Variants in PDHA1 observed in about 807,000 individuals in gnomAD.
The protein encoded by PDHA1 is pyruvate dehydrogenase E1 subunit alpha 1.
A neutral mutation model predicts 33.0 loss-of-function variants in PDHA1; 1 was observed. The observed-to-expected ratio is 0.03, with a 90% CI of 0.01 to 0.14. PDHA1 has a LOEUF of 0.14. PDHA1 is among the 10% of genes least tolerant of loss of function. The pLI is 1.00. For missense variants in PDHA1, 168 were observed against 325.1 expected, an observed-to-expected ratio of 0.52 and a Z score of 3.72; for synonymous variants, 123 against 119.2, an observed-to-expected ratio of 1.03 and a Z score of -0.21.
intron 9 of PDHA1, among the ~76,000 whole-genome samples, chrX:19,358,087 A>C (rs1167299374): frequency 8.9e-6 from 1 of 112,196 alleles, no homozygotes; most frequent in Non-Finnish European, 1.9e-5. Context: ...GAAGAGGATC[A>C]GAATTTGGAG....
chrX:19,360,102 T>TTTAA lies in PDHA1; in HGVS notation c.*450_*453dup. On this transcript the variant is annotated 3_prime_UTR_variant, in exon 11 of 11. Transcript: ENST00000422285. ...TTATCAGGCAAGAGGACAGTTCCAT[T>TTTAA]TTAAAATAAGACTTTTGTAATCATT... 1 of 150,812 alleles carries TTTAA rather than the reference T, an allele frequency of 6.6e-6. No homozygotes were observed. Among genetic ancestry groups the TTTAA allele is most frequent in the South Asian group, 1.3e-4 (1 of 7,876 alleles). The allele number at this position is 150,812 out of a possible 1,213,427, so 12.4% of individuals were successfully genotyped here. A position where few individuals can be genotyped will look rare whatever the true frequency, so the allele number is the denominator to read the frequency against.
chrX:19,344,266 G>A (rs1483040124), intron 1 of PDHA1, among the ~76,000 whole-genome samples, 172 bp downstream of exon 1: 2 of 112,796 alleles, frequency 1.8e-5, no homozygotes, highest in African/African-American at 6.4e-5. Context: ...CGGGAGAAGC[G>A]GCACGGACCG....
Position 19,361,462 on chromosome X carries a change from C to G in PDHA1, c.*1809C>G, listed in dbSNP as rs769886359. Reference sequence around the variant, plus strand: ...TAAGAGCTGAGCAGCTGTGTAACAACAGCATAAGAATTTCTTTGTTGTAAA... The same window carrying G: ...TAAGAGCTGAGCAGCTGTGTAACAAGAGCATAAGAATTTCTTTGTTGTAAA... On this transcript the variant is annotated 3_prime_UTR_variant, in exon 11 of 11. Transcript: ENST00000422285. The G allele has an allele frequency of 1.1e-5, 13 of 1,194,781 alleles. No homozygotes were observed. The East Asian group carries it at 1.5e-4, about 14-fold the overall frequency.
At chrX:19,346,091 C>T (rs1027003978) in intron 1 of PDHA1, among the ~76,000 whole-genome samples, 3 of 111,802 alleles carry the variant, frequency 2.7e-5, no homozygotes, top group Non-Finnish European at 3.8e-5. Flanking sequence ...TGTAAAAAGA[C>T]ATTTTGCATA....
At position 19,343,934 on chromosome X, in the gene PDHA1, C is replaced by A; in HGVS notation, c.-104C>A. On this transcript the variant is annotated 5_prime_UTR_variant, in exon 1 of 11. In the 5' UTR this introduces an upstream ATG that the reference lacks. Transcript: ENST00000422285. ...ACGACTCTGTCACGCCGCGGTGCGACTGAGGCGTGGCGTCTGCTGGGGCAC... is the reference window on the plus strand; with the variant it reads ...ACGACTCTGTCACGCCGCGGTGCGAATGAGGCGTGGCGTCTGCTGGGGCAC... 1 of 754,450 alleles carries A rather than the reference C, an allele frequency of 1.3e-6. No homozygotes were observed. Among genetic ancestry groups the A allele is most frequent in the South Asian group, 2.2e-5 (1 of 45,821 alleles). The allele number at this position is 754,450 out of a possible 1,213,427, so 62.2% of individuals were successfully genotyped here. A position where few individuals can be genotyped will look rare whatever the true frequency, so the allele number is the denominator to read the frequency against.
At chrX:19,344,244 C>G in intron 1 of PDHA1, 150 bp downstream of exon 1, 2 of 489,051 alleles carry the variant, frequency 4.1e-6, no homozygotes, top group Non-Finnish European at 6.8e-6. Context: ...CCCTGCATTC[C>G]GTTCCTGGCC....
rs776535833 is a variant in PDHA1 at position 19,351,270 on chromosome X, C to T, written c.292-11C>T. On this transcript the variant is annotated splice_polypyrimidine_tract_variant and intron_variant, in intron 3 of 10. Coordinates refer to ENST00000422285, the MANE Select transcript of PDHA1 (RefSeq NM_000284.4). ...CATATTGCCTCATAGTTTCTCCTTCCTCTAACACAGGAAGCTTGCTGTGTG... is the reference window on the plus strand; with the variant it reads ...CATATTGCCTCATAGTTTCTCCTTCTTCTAACACAGGAAGCTTGCTGTGTG... 10 of 1,205,560 alleles carry T rather than the reference C, an allele frequency of 8.3e-6. No homozygotes were observed. The Admixed American group carries it at 2.0e-4, about 24-fold the overall frequency.
rs1307306314 is a variant in PDHA1 at position 19,361,267 on chromosome X, T to A, written c.*1614T>A. 4 of 911,829 alleles carry A rather than the reference T, an allele frequency of 4.4e-6. No individual in the cohort carries two copies. In the African/African-American group the frequency reaches 5.9e-5, roughly 13 times the overall value. The allele number at this position is 911,829 out of a possible 1,213,427, so 75.1% of individuals were successfully genotyped here. On this transcript the variant is annotated 3_prime_UTR_variant, in exon 11 of 11. Transcript: ENST00000422285. ...GTTTGGGGGGAGGCCCAGCCCTTTG[T>A]TTTCTGCTCTTGAAGCATATTCACA...
rs566921322 is a variant in PDHA1 at position 19,357,334 on chromosome X, G to C, written c.832-318G>C. On this transcript the variant is annotated intron_variant, in intron 8 of 10. Coordinates refer to ENST00000422285, the MANE Select transcript of PDHA1 (RefSeq NM_000284.4). ...TAGTCTCGAACTCCTGGGCGCAAGT[G>C]CTCTGCCCACCTCAGCTTCCCAAAG... 4.0e-4 allele frequency: 118 copies of C among 298,007 alleles called. 1 individual carries two copies. The South Asian group carries it at 4.5e-3, about 11-fold the overall frequency. The allele number at this position is 298,007 out of a possible 1,213,427, so 24.6% of individuals were successfully genotyped here.
intron 5 of PDHA1, chrX:19,353,394 C>A (rs2063175586): frequency 2.3e-6 from 1 of 442,866 alleles, no homozygotes; most frequent in African/African-American, 2.5e-5. Context: ...AACACATTAC[C>A]TTTTCTACGT....
In PDHA1 at chrX:19,360,700, A is replaced by G; in HGVS notation, c.*1047A>G. The G allele has an allele frequency of 9.9e-7, 1 of 1,009,180 alleles. No homozygotes were observed. Among genetic ancestry groups the G allele is most frequent in the Non-Finnish European group, 1.4e-6 (1 of 718,573 alleles). The allele number at this position is 1,009,180 out of a possible 1,213,427, so 83.2% of individuals were successfully genotyped here. A position where few individuals can be genotyped will look rare whatever the true frequency, so the allele number is the denominator to read the frequency against. ...TGTATACACTAACAGAAGCTTTAAC[A>G]AAACATGTAGCGTGGTGGGACACTC... On this transcript the variant is annotated 3_prime_UTR_variant, in exon 11 of 11. Coordinates refer to ENST00000422285, the MANE Select transcript of PDHA1 (RefSeq NM_000284.4).
rs748198804 is a variant in PDHA1, at chrX:19,361,340, G to A, written c.*1687G>A. ...TACAAACTGTTTTGAGGCTCTTACC[G>A]TAGTCGAAGGTATCTTAGATCTTCC... On this transcript the variant is annotated 3_prime_UTR_variant, in exon 11 of 11. Transcript: ENST00000422285. 1.6e-5 allele frequency: 19 copies of A among 1,193,967 alleles called. No homozygotes were observed. The highest frequency in any genetic ancestry group is 1.1e-4 in the Admixed American group (5 of 45,447).
At position 19,359,626 on chromosome X, in the gene PDHA1, G is replaced by C. The variant is rs767675495; in HGVS notation, c.1146G>C (p.Gln382His). Residue 382 changes from glutamine (Q) to histidine (H), a missense_variant, in exon 11 of 11, where the codon CAG (glutamine) becomes CAC (histidine). Coordinates refer to ENST00000422285, the MANE Select transcript of PDHA1 (RefSeq NM_000284.4). ...CTTTTGAAGTTCGTGGTGCCAATCA[G>C]TGGATCAAGTTTAAGTCAGTCAGTT... is the stretch of plus-strand genomic sequence containing the variant. ...DPPFEVRGANQWIKFKSVS is the reference protein window; with the variant it reads ...DPPFEVRGANHWIKFKSVS 26 of 1,211,328 alleles carry C rather than the reference G, an allele frequency of 2.1e-5. No individual in the cohort carries two copies. Among genetic ancestry groups the C allele is most frequent in the Non-Finnish European group, 2.8e-5 (25 of 895,216 alleles).
Position 19,359,977 on chromosome X carries a change from G to T in PDHA1, c.*324G>T. On this transcript the variant is annotated 3_prime_UTR_variant, in exon 11 of 11. Transcript: ENST00000422285. ...TTTTGGGAGGAGACCATTATGGCGGGGCCCCTCACAGCATTCTACCAACCA... is the reference window on the plus strand; with the variant it reads ...TTTTGGGAGGAGACCATTATGGCGGTGCCCCTCACAGCATTCTACCAACCA... 3.3e-6 allele frequency: 1 copy of T among 300,496 alleles called. No homozygotes were observed. The allele number at this position is 300,496 out of a possible 1,213,427, so 24.8% of individuals were successfully genotyped here.
intron 9 of PDHA1, among the ~76,000 whole-genome samples, chrX:19,358,642 G>C (rs2063224496): frequency 8.9e-6 from 1 of 111,941 alleles, no homozygotes; most frequent in Non-Finnish European, 1.9e-5. Flanking sequence ...CGGAATGCCA[G>C]GGAAGCCATG....
chrX:19,356,711 C>G (rs2063202943), intron 8 of PDHA1, among the ~76,000 whole-genome samples: 1 of 88,571 alleles, frequency 1.1e-5, no homozygotes, highest in South Asian at 3.8e-4. Flanking sequence ...GTGACTTTCC[C>G]AAACAGATAA....
chrX:19,352,119 CAG>C (rs1441945765), intron 4 of PDHA1, among the ~76,000 whole-genome samples: 5 of 110,617 alleles, frequency 4.5e-5, no homozygotes, highest in African/African-American at 9.9e-5. Flanking sequence ...TTTTTTGAGA[CAG>C]AGTCTCGCTT....
At position 19,349,052 on chromosome X, in the gene PDHA1, A is replaced by C. The variant is rs151275584; in HGVS notation, c.58-260A>C. 0.019 allele frequency among the ~76,000 whole-genome samples: 2,132 copies of C among 112,059 alleles called. 60 individuals carry two copies. Among genetic ancestry groups the C allele is most frequent in the African/African-American group, 0.065 (2,018 of 30,876 alleles). On this transcript the variant is annotated intron_variant, in intron 1 of 10. Coordinates refer to ENST00000422285, the MANE Select transcript of PDHA1 (RefSeq NM_000284.4). ...TCTCACTATAATTTCTTTGAAAACA[A>C]AGGATGGGTTTGTTTTTTGCCCCTC...
chrX:19,359,401 C>T (rs1602232540), intron 10 of PDHA1, 88 bp from the exon 11 acceptor site: 1 of 752,803 alleles, frequency 1.3e-6, no homozygotes, highest in South Asian at 2.1e-5. Flanking sequence ...TAAAGAGTTA[C>T]ACCAGCAACA....
Sources: allele counts gnomAD v4.1 joint callset (sites outside exome capture counted in the v4.1 genomes callset), GRCh38; gene constraint gnomAD v4.1.1; transcripts MANE v1.5; gene names NCBI Gene and HGNC (gene_info 2026-07-23, HGNC 2026-07-21).